Variants in EPHA8 observed in about 807,000 individuals in gnomAD.
EPHA8 encodes ephrin type-A receptor 8.
In EPHA8, 58 loss-of-function variants were observed where a neutral mutation model predicts 103.6. The observed-to-expected ratio is 0.56, with a 90% CI of 0.45 to 0.70. The LOEUF is 0.70. EPHA8 is among the 30% of genes least tolerant of loss of function. The pLI, the probability that EPHA8 is intolerant of heterozygous loss-of-function variation, is 0.00. For synonymous variants in EPHA8, 559 were observed against 572.5 expected, an observed-to-expected ratio of 0.98 and a Z score of 0.34; for missense variants, 1,304 against 1,395.2, an observed-to-expected ratio of 0.93 and a Z score of 1.04.
At position 22,580,136 on chromosome 1, in the gene EPHA8, T is replaced by C. The variant is rs1464826132; in HGVS notation, c.823+3256T>C. Among the ~76,000 whole-genome samples, 840 of 108,668 alleles carry C rather than the reference T, an allele frequency of 7.7e-3. 9 individuals carry two copies. Among genetic ancestry groups the C allele is most frequent in the African/African-American group, 0.028 (648 of 23,364 alleles). The allele number at this position is 108,668 out of a possible 152,430, so 71.3% of individuals were successfully genotyped here. On this transcript the variant is annotated intron_variant, in intron 3 of 16. Transcript: ENST00000166244. ...GGTTTTCTTTCTTTCTCTTTTTTTT[T>C]TTTTTTTTTTTTTTTTTTGGAGACG...
intron 1 of EPHA8, among the ~76,000 whole-genome samples, chr1:22,565,764 TAGAG>T (rs1166002129): frequency 6.6e-6 from 1 of 152,048 alleles, no homozygotes; most frequent in African/African-American, 2.4e-5. Context: ...AGGCAAGGTC[TAGAG>T]AGAGAGGCAG....
At chr1:22,583,125 G>T (rs1283356060) in intron 3 of EPHA8, among the ~76,000 whole-genome samples, 1 of 152,230 alleles carries the variant, frequency 6.6e-6, no homozygotes, top group Non-Finnish European at 1.5e-5. Context: ...CCTCAGCAGG[G>T]TCAGGAGCCC....
chr1:22,590,397 G>A (rs1045379886), intron 5 of EPHA8, among the ~76,000 whole-genome samples: 20 of 152,200 alleles, frequency 1.3e-4, no homozygotes, highest in African/African-American at 3.6e-4. Flanking sequence ...CTTCCCATAC[G>A]ACCCTCTCTG....
At chr1:22,584,167 C>T (rs754983464) in intron 3 of EPHA8, among the ~76,000 whole-genome samples, 4 of 152,200 alleles carry the variant, frequency 2.6e-5, no homozygotes, top group Non-Finnish European at 5.9e-5. Flanking sequence ...TGATGCCACC[C>T]CCAGCGGCCC....
In EPHA8 at chr1:22,597,543, G is replaced by A; in HGVS notation, c.1930+67G>A. The A allele has an allele frequency of 6.3e-7, 1 of 1,578,826 alleles. No homozygotes were observed. The highest frequency in any genetic ancestry group is 1.2e-5 in the South Asian group (1 of 84,934). On this transcript the variant is annotated intron_variant, in intron 10 of 16. Transcript: ENST00000166244. The surrounding 1 kb of genome is among the most constrained non-coding windows in gnomAD (Gnocchi z 4.6). ...AGGTGGGGGCACCCAGGGCAAGGTG[G>A]GGGCACCCAGGGCAGAGGGAGCGTG...
In EPHA8 at chr1:22,598,259, C is replaced by A; in HGVS notation, c.2178+47C>A. On this transcript the variant is annotated intron_variant, in intron 12 of 16. Coordinates refer to ENST00000166244, the MANE Select transcript of EPHA8 (RefSeq NM_020526.5). This position sits in a 1 kb window ranked among gnomAD's most constrained non-coding sequence, Gnocchi z 5.1. Reference sequence around the variant, plus strand: ...CTTGCATGGGCTTGGGGAGGGAGGTCCAGTCTGGGTGCTGGGAGATAGTGC... The same window carrying A: ...CTTGCATGGGCTTGGGGAGGGAGGTACAGTCTGGGTGCTGGGAGATAGTGC... The A allele has an allele frequency of 6.3e-7, 1 of 1,585,786 alleles. No individual in the cohort carries two copies. The highest frequency in any genetic ancestry group is 8.6e-7 in the Non-Finnish European group (1 of 1,159,608).
chr1:22,591,388 A>ATT (rs112955282), intron 5 of EPHA8, among the ~76,000 whole-genome samples: 13,925 of 143,104 alleles, frequency 0.097, 1,313 homozygotes, highest in African/African-American at 0.25. Context: ...ATGCCCAGTG[A>ATT]TTTTTTTTTT....
chr1:22,569,110 A>G lies in EPHA8; in HGVS notation c.95-179A>G, dbSNP rs374436207. Reference sequence around the variant, plus strand: ...TGAGAAGAAGGCTTCAGGGAAGAGAAAGAACTTAAACTGGGCCTTCAAGGA... The same window carrying G: ...TGAGAAGAAGGCTTCAGGGAAGAGAGAGAACTTAAACTGGGCCTTCAAGGA... On this transcript the variant is annotated intron_variant, in intron 1 of 16. Coordinates refer to ENST00000166244, the MANE Select transcript of EPHA8 (RefSeq NM_020526.5). This position sits in a 1 kb window ranked among gnomAD's most constrained non-coding sequence, Gnocchi z 4.5. 3.8e-4 allele frequency among the ~76,000 whole-genome samples: 58 copies of G among 152,306 alleles called. No homozygotes were observed. In the East Asian group the frequency reaches 9.5e-3, roughly 25 times the overall value.
chr1:22,596,973 T>G (rs1641535931), intron 9 of EPHA8, among the ~76,000 whole-genome samples: 1 of 152,200 alleles, frequency 6.6e-6, no homozygotes. Flanking sequence ...CTATTTTCAA[T>G]GAATCAAAGT....
intron 3 of EPHA8, among the ~76,000 whole-genome samples, chr1:22,582,474 C>A (rs552562572): frequency 1.1e-4 from 16 of 152,178 alleles, no homozygotes; most frequent in Non-Finnish European, 2.2e-4. Context: ...ATAAGGGACC[C>A]GCCAGGTCAC....
In EPHA8 at chr1:22,588,946, T is replaced by C. The variant is rs1238316284; in HGVS notation, c.1055T>C (p.Leu352Pro). ...TSVTLEWAPPLDPGGRSDITY... is the reference protein window; with the variant it reads ...TSVTLEWAPPPDPGGRSDITY... ...GTGACTCTGGAGTGGGCCCCTCCCC[T>C]GGACCCAGGTGGCCGCAGTGACATC... Residue 352 changes from leucine (L) to proline (P), a missense_variant, in exon 5 of 17, where the codon CTG becomes CCG. Transcript: ENST00000166244. 1 of 1,612,480 alleles carries C rather than the reference T, an allele frequency of 6.2e-7. No individual in the cohort carries two copies. Among genetic ancestry groups the C allele is most frequent in the Non-Finnish European group, 8.5e-7 (1 of 1,179,940 alleles).
Position 22,593,693 on chromosome 1 carries a change from G to T in EPHA8, c.1603+7G>T. ...GTGGAGACCGGGAAACCCCGTGAGT[G>T]CAGGGAGGGGGCGTGGGCGCGGAGC... On this transcript the variant is annotated splice_region_variant and intron_variant, in intron 7 of 16. Coordinates refer to ENST00000166244, the MANE Select transcript of EPHA8 (RefSeq NM_020526.5). 1.3e-6 allele frequency: 2 copies of T among 1,581,588 alleles called. No individual in the cohort carries two copies. Among genetic ancestry groups the T allele is most frequent in the Non-Finnish European group, 1.7e-6 (2 of 1,163,362 alleles).
intron 2 of EPHA8, among the ~76,000 whole-genome samples, chr1:22,574,339 T>C (rs1640625331): frequency 6.6e-6 from 1 of 152,212 alleles, no homozygotes; most frequent in African/African-American, 2.4e-5. Flanking sequence ...AAGTTTACCG[T>C]CTTAACCCTT....
chr1:22,599,528 G>A (rs999800), intron 13 of EPHA8, among the ~76,000 whole-genome samples: 43,918 of 150,606 alleles, frequency 0.29, 7,182 homozygotes, highest in African/African-American at 0.44. Flanking sequence ...ACAGCCTCTG[G>A]GTAAGGTTTC....
At chr1:22,581,592 G>T (rs1002340960) in intron 3 of EPHA8, among the ~76,000 whole-genome samples, 1 of 152,182 alleles carries the variant, frequency 6.6e-6, no homozygotes. Context: ...GCTCTGAGTG[G>T]AAACCCCAGG....
In EPHA8 at chr1:22,597,729, G is replaced by A. The variant is rs770394863; in HGVS notation, c.1984G>A (p.Val662Met). The change falls in exon 11 of 17, where the codon GTG becomes ATG. Residue 662 changes from valine to methionine, a missense_variant. By Grantham distance (21) the Val-to-Met change is conservative. Transcript: ENST00000166244. This position sits in a 1 kb window ranked among gnomAD's most constrained non-coding sequence, Gnocchi z 4.6. Reference sequence around the variant, plus strand: ...GCTGCGGGTGCCAGGGCAGCGGGATGTGCCCGTGGCCATCAAGGCCCTCAA... The same window carrying A: ...GCTGCGGGTGCCAGGGCAGCGGGATATGCCCGTGGCCATCAAGGCCCTCAA... ...GRLRVPGQRDVPVAIKALKAG... is the reference protein window; with the variant it reads ...GRLRVPGQRDMPVAIKALKAG... The A allele has an allele frequency of 1.2e-6, 2 of 1,612,878 alleles. No individual in the cohort carries two copies. The highest frequency in any genetic ancestry group is 1.7e-6 in the Non-Finnish European group (2 of 1,179,948).
chr1:22,566,673 G>T (rs890183102), intron 1 of EPHA8, among the ~76,000 whole-genome samples: 5 of 152,214 alleles, frequency 3.3e-5, no homozygotes, highest in African/African-American at 1.2e-4. Context: ...TGGCTTCACA[G>T]TCCGGCAGCG....
chr1:22,600,493 C>T (rs764083637), intron 13 of EPHA8, among the ~76,000 whole-genome samples, 168 bp from the exon 14 acceptor site: 28 of 152,146 alleles, frequency 1.8e-4, no homozygotes, highest in South Asian at 1.7e-3. Context: ...GTCTCCACAG[C>T]GGCTCTTGTG....
At chr1:22,578,902 T>C (rs1640923188) in intron 3 of EPHA8, among the ~76,000 whole-genome samples, 1 of 138,270 alleles carries the variant, frequency 7.2e-6, no homozygotes. Context: ...CATGTGTGCA[T>C]GTGTATGTAT....
Sources: allele counts gnomAD v4.1 joint callset (sites outside exome capture counted in the v4.1 genomes callset), GRCh38; gene constraint gnomAD v4.1.1; non-coding constraint Gnocchi (gnomAD v3.1); transcripts MANE v1.5; gene names NCBI Gene and HGNC (gene_info 2026-07-23, HGNC 2026-07-21).